DNAJC11: variants seen among roughly 807,000 people sequenced by gnomAD.
DNAJC11 encodes dnaJ homolog subfamily C member 11.
Under a neutral mutation model 78.6 loss-of-function variants are expected in DNAJC11, and 15 were observed. The observed-to-expected ratio is 0.19, with a 90% CI of 0.13 to 0.29. The LOEUF is 0.29. Ranked by LOEUF, DNAJC11 falls within the 10% of genes least tolerant of loss-of-function variation. The probability of loss-of-function intolerance (pLI) is 1.00; values close to 1 mark genes in which losing one functional copy is unlikely to be tolerated. For missense variants in DNAJC11, 547 were observed against 709.6 expected (o/e 0.77, Z 2.60); for synonymous variants, 292 against 272.1 (o/e 1.07, Z -0.72).
chr1:6,689,525 C>T (rs906754509), intron 1 of DNAJC11, among the ~76,000 whole-genome samples: 12 of 152,100 alleles, frequency 7.9e-5, no homozygotes, highest in Non-Finnish European at 1.3e-4. Context: ...AGGGGGCTCA[C>T]GCCTGTAATC....
chr1:6,699,738 G>C (rs1040833228), intron 1 of DNAJC11, among the ~76,000 whole-genome samples: 3 of 151,666 alleles, frequency 2.0e-5, no homozygotes, highest in African/African-American at 7.3e-5. Flanking sequence ...ATGTATCCTG[G>C]AACTTAAAGT....
chr1:6,643,488 G>A (rs543169205), intron 10 of DNAJC11, among the ~76,000 whole-genome samples: 2 of 151,980 alleles, frequency 1.3e-5, no homozygotes, highest in South Asian at 4.1e-4. Flanking sequence ...TGTTAGCCAG[G>A]ATGGTCTCAA....
At chr1:6,636,668 C>G (rs1159458391) in intron 14 of DNAJC11, among the ~76,000 whole-genome samples, 1 of 152,146 alleles carries the variant, frequency 6.6e-6, no homozygotes, top group Non-Finnish European at 1.5e-5. Context: ...TGGCACACAC[C>G]AGGGGCTCAG....
chr1:6,661,254 G>A (rs1642207859), intron 4 of DNAJC11, among the ~76,000 whole-genome samples: 1 of 152,194 alleles, frequency 6.6e-6, no homozygotes, highest in Non-Finnish European at 1.5e-5. Context: ...CAAAAGAGGT[G>A]ATACGAGGCA....
At chr1:6,639,865 G>A in intron 11 of DNAJC11, 37 bp downstream of exon 11, 1 of 1,599,254 alleles carries the variant, frequency 6.3e-7, no homozygotes, top group Non-Finnish European at 8.5e-7. Flanking sequence ...TGAGGCACAG[G>A]GCTGGCTAGT....
At chr1:6,683,815 T>G (rs1642591752) in intron 1 of DNAJC11, among the ~76,000 whole-genome samples, 1 of 152,212 alleles carries the variant, frequency 6.6e-6, no homozygotes, top group Non-Finnish European at 1.5e-5. Context: ...GTATATTCTA[T>G]TTCTATAAAA....
chr1:6,670,492 T>TAA (rs200398981), intron 3 of DNAJC11: 7 of 150,382 alleles, frequency 4.7e-5, no homozygotes, highest in African/African-American at 1.7e-4. Flanking sequence ...TTTCAACAAA[T>TAA]AAAAAAAAAT....
chr1:6,639,992 G>A lies in DNAJC11; in HGVS notation c.1163C>T (p.Ala388Val). ...IHLTDQLLPS[A>V]MFYATVGPLV... is the part of the protein sequence containing the mutation. Reference sequence around the variant, plus strand: ...AGGCCCCACGGTGGCATAGAACATGGCGCTGGGCAGAAGCTGGTCCGTCAA... The same window carrying A: ...AGGCCCCACGGTGGCATAGAACATGACGCTGGGCAGAAGCTGGTCCGTCAA... The change falls in exon 11 of 16, where the codon GCC becomes GTC. Residue 388 changes from alanine (A) to valine (V), a missense_variant. Coordinates refer to ENST00000377577, the MANE Select transcript of DNAJC11 (RefSeq NM_018198.4). 2.5e-6 allele frequency: 4 copies of A among 1,613,404 alleles called. No individual in the cohort carries two copies. Among genetic ancestry groups the A allele is most frequent in the Non-Finnish European group, 2.5e-6 (3 of 1,179,936 alleles).
intron 6 of DNAJC11, 63 bp downstream of exon 6, chr1:6,652,766 G>A (rs1247208975): frequency 6.2e-6 from 10 of 1,606,252 alleles, no homozygotes; most frequent in Admixed American, 1.7e-5. Context: ...AGCTTTGAGA[G>A]TGTAAATGTT....
chr1:6,694,048 TG>T lies in DNAJC11; in HGVS notation c.72+7680del, dbSNP rs370943982. On this transcript the variant is annotated intron_variant, in intron 1 of 15. Coordinates refer to ENST00000377577, the MANE Select transcript of DNAJC11 (RefSeq NM_018198.4). ...ATGGGGTTTCACCATGCTGGCCAGGTGGGTCTTGAACTCCTGACCTCAAGTG... is the reference window on the plus strand; with the variant it reads ...ATGGGGTTTCACCATGCTGGCCAGGTGGTCTTGAACTCCTGACCTCAAGTG... 5.1e-3 allele frequency among the ~76,000 whole-genome samples: 772 copies of T among 151,624 alleles called. 7 individuals are homozygous for T. The highest frequency in any genetic ancestry group is 0.017 in the African/African-American group (721 of 41,354).
chr1:6,645,719 G>A lies in DNAJC11; in HGVS notation c.894+70C>T. 1 of 1,543,852 alleles carries A rather than the reference G, an allele frequency of 6.5e-7. No individual in the cohort carries two copies. The highest frequency in any genetic ancestry group is 1.2e-5 in the South Asian group (1 of 85,266). On this transcript the variant is annotated intron_variant, in intron 8 of 15. Coordinates refer to ENST00000377577, the MANE Select transcript of DNAJC11 (RefSeq NM_018198.4). The surrounding 1 kb of genome is among the most constrained non-coding windows in gnomAD (Gnocchi z 4.1). ...GATCAGGACGCAGGATTTAAGGGGA[G>A]CACTGAGTGCTTGGGAGGAGGGGTC...
chr1:6,682,052 G>C (rs180995931), intron 1 of DNAJC11, among the ~76,000 whole-genome samples: 46 of 151,274 alleles, frequency 3.0e-4, no homozygotes, highest in Admixed American at 1.5e-3. Context: ...AATAGGCCCA[G>C]GTCCCAGGAG....
chr1:6,660,959 C>T (rs1047910573), intron 4 of DNAJC11, among the ~76,000 whole-genome samples: 1 of 152,232 alleles, frequency 6.6e-6, no homozygotes, highest in African/African-American at 2.4e-5. Flanking sequence ...TTTATTCAGC[C>T]AGGAATGTAC....
At chr1:6,678,839 G>T (rs1443291884) in intron 2 of DNAJC11, among the ~76,000 whole-genome samples, 2 of 152,126 alleles carry the variant, frequency 1.3e-5, no homozygotes, top group Admixed American at 1.3e-4. Flanking sequence ...TGTAGAGATG[G>T]GGTCTCACTA....
chr1:6,676,447 AG>A (rs954090929), intron 3 of DNAJC11, among the ~76,000 whole-genome samples: 5 of 152,062 alleles, frequency 3.3e-5, no homozygotes, highest in Admixed American at 3.3e-4. Flanking sequence ...TGGGAGGCTG[AG>A]GGGGGAGGGT....
At chr1:6,698,819 G>A (rs182757390) in intron 1 of DNAJC11, among the ~76,000 whole-genome samples, 2 of 151,006 alleles carry the variant, frequency 1.3e-5, no homozygotes, top group East Asian at 2.0e-4. Flanking sequence ...GTGTGTGCCT[G>A]TAATACCAGC....
chr1:6,667,103 G>A (rs1269477011), intron 4 of DNAJC11, among the ~76,000 whole-genome samples: 1 of 152,196 alleles, frequency 6.6e-6, no homozygotes, highest in Non-Finnish European at 1.5e-5. Context: ...CTCTGACTCA[G>A]TATTTAAAGG....
Position 6,678,383 on chromosome 1 carries a change from G to A in DNAJC11, c.276+11C>T, listed in dbSNP as rs111439182. 4 of 1,613,286 alleles carry A rather than the reference G, an allele frequency of 2.5e-6. No individual in the cohort carries two copies. The highest frequency in any genetic ancestry group is 1.3e-5 in the African/African-American group (1 of 75,014). ...ACTTTTCTGGAACACCAGACGCACA[G>A]TTTCTCTTACCTCCCATCCTTCCAT... On this transcript the variant is annotated intron_variant, in intron 3 of 15. Transcript: ENST00000377577.
intron 10 of DNAJC11, among the ~76,000 whole-genome samples, chr1:6,641,988 C>T (rs1275384121): frequency 6.6e-6 from 1 of 152,022 alleles, no homozygotes; most frequent in Non-Finnish European, 1.5e-5. Context: ...CTATGTTATA[C>T]AAGGTGAATT....
Sources: allele counts gnomAD v4.1 joint callset (sites outside exome capture counted in the v4.1 genomes callset), GRCh38; gene constraint gnomAD v4.1.1; non-coding constraint Gnocchi (gnomAD v3.1); transcripts MANE v1.5; gene names NCBI Gene and HGNC (gene_info 2026-07-23, HGNC 2026-07-21).